PPP3R1: variants seen among roughly 807,000 people sequenced by gnomAD.
PPP3R1 encodes the protein protein phosphatase 3 regulatory subunit B, alpha.
Under a neutral mutation model 22.6 loss-of-function variants are expected in PPP3R1, and 5 were observed. The observed-to-expected ratio is 0.22, with a 90% CI of 0.12 to 0.46. The LOEUF is 0.46. Ranked by LOEUF, PPP3R1 falls within the 20% of genes least tolerant of loss-of-function variation. The pLI is 0.99. For synonymous variants in PPP3R1, 56 were observed against 65.2 expected (o/e 0.86, Z 0.68); for missense variants, 61 against 203.2 (o/e 0.30, Z 4.25).
chr2:68,202,536 T>A (rs533974630), intron 2 of PPP3R1, among the ~76,000 whole-genome samples: 1 of 152,024 alleles, frequency 6.6e-6, no homozygotes. Context: ...GTGATTCTCC[T>A]GTCTCAGCCT....
In PPP3R1 at chr2:68,252,331, G is replaced by A. The variant is rs2103826149; in HGVS notation, c.-204C>T. On this transcript the variant is annotated 5_prime_UTR_variant, in exon 1 of 6. Coordinates refer to ENST00000234310, the MANE Select transcript of PPP3R1 (RefSeq NM_000945.4). ...GCACGCGAGGGAGCGGGCAGGGTAG[G>A]GGGAAATAAATTAAGGTCGAGATTC... The A allele has an allele frequency of 9.8e-7, 1 of 1,016,888 alleles. No individual in the cohort carries two copies. Among genetic ancestry groups the A allele is most frequent in the Non-Finnish European group, 1.2e-6 (1 of 851,710 alleles). 63.0% of individuals were successfully genotyped at this position (1,016,888 alleles called of 1,614,324 possible). A position where few individuals can be genotyped will look rare whatever the true frequency, so the allele number is the denominator to read the frequency against.
intron 2 of PPP3R1, among the ~76,000 whole-genome samples, chr2:68,192,082 G>A (rs897796087): frequency 3.3e-5 from 5 of 152,098 alleles, no homozygotes; most frequent in Non-Finnish European, 5.9e-5. Flanking sequence ...AAAACTTATT[G>A]ATTAAAATTC....
At chr2:68,229,965 T>TATACACACACACAC (rs1553408545) in intron 1 of PPP3R1, among the ~76,000 whole-genome samples, 1 of 49,494 alleles carries the variant, frequency 2.0e-5, no homozygotes, top group South Asian at 9.3e-4. Context: ...TGTGTATATA[T>TATACACACACACAC]ACACACATAC....
At chr2:68,186,226 G>T (rs1159874976) in intron 5 of PPP3R1, among the ~76,000 whole-genome samples, 1 of 152,152 alleles carries the variant, frequency 6.6e-6, no homozygotes, top group East Asian at 1.9e-4. Flanking sequence ...GTGATTAAAT[G>T]AACCTTAAGA....
chr2:68,184,484 A>G (rs535868570), intron 5 of PPP3R1, among the ~76,000 whole-genome samples: 35 of 152,248 alleles, frequency 2.3e-4, no homozygotes, highest in African/African-American at 8.2e-4. Flanking sequence ...GAGTTTGGGG[A>G]GGAGGTAAAA....
In PPP3R1 at chr2:68,189,865, T is replaced by A. The variant is rs1025328335; in HGVS notation, c.44-1175A>T. On this transcript the variant is annotated intron_variant, in intron 2 of 5. Coordinates refer to ENST00000234310, the MANE Select transcript of PPP3R1 (RefSeq NM_000945.4). ...GCCTGAGTGACAGAGTGAGACTCCA[T>A]CTCAAAAAATTAAAAATAAAAATAA... Among the ~76,000 whole-genome samples the A allele has an allele frequency of 9.9e-5, 15 of 152,034 alleles. No individual in the cohort carries two copies. In the East Asian group the frequency reaches 2.9e-3, roughly 29 times the overall value.
At chr2:68,225,690 A>G (rs1025530586) in intron 1 of PPP3R1, among the ~76,000 whole-genome samples, 1 of 152,222 alleles carries the variant, frequency 6.6e-6, no homozygotes, top group Non-Finnish European at 1.5e-5. Context: ...TAATATCCAA[A>G]CTTATAGTGT....
chr2:68,207,774 G>A (rs995562276), intron 2 of PPP3R1, among the ~76,000 whole-genome samples: 2 of 152,192 alleles, frequency 1.3e-5, no homozygotes, highest in African/African-American at 4.8e-5. Context: ...CTATCAAGTG[G>A]AGGAATAATT....
At chr2:68,195,887 C>T in intron 2 of PPP3R1, among the ~76,000 whole-genome samples, 1 of 141,682 alleles carries the variant, frequency 7.1e-6, no homozygotes, top group African/African-American at 2.6e-5. Context: ...TTCCAACAAC[C>T]TTTTTTTTTT....
At chr2:68,188,395 T>C (rs1003174841) in intron 3 of PPP3R1, 119 bp downstream of exon 3, 1 of 754,800 alleles carries the variant, frequency 1.3e-6, no homozygotes, top group Admixed American at 3.5e-5. Context: ...GGTTTTAACA[T>C]AATCTATTAT....
chr2:68,193,937 C>G (rs1270475849), intron 2 of PPP3R1, among the ~76,000 whole-genome samples: 1 of 152,022 alleles, frequency 6.6e-6, no homozygotes, highest in African/African-American at 2.4e-5. Flanking sequence ...ATCATATTCC[C>G]TTAAAAGAGA....
Position 68,252,316 on chromosome 2 carries a change from G to A in PPP3R1, c.-189C>T, listed in dbSNP as rs1035077945. 4.9e-6 allele frequency: 5 copies of A among 1,022,520 alleles called. No homozygotes were observed. The highest frequency in any genetic ancestry group is 5.7e-5 in the Admixed American group (1 of 17,444). The allele number at this position is 1,022,520 out of a possible 1,614,324, so 63.3% of individuals were successfully genotyped here. ...CGGCCGGGCGATTGGGCACGCGAGGGAGCGGGCAGGGTAGGGGGAAATAAA... is the reference window on the plus strand; with the variant it reads ...CGGCCGGGCGATTGGGCACGCGAGGAAGCGGGCAGGGTAGGGGGAAATAAA... On this transcript the variant is annotated 5_prime_UTR_variant, in exon 1 of 6. Transcript: ENST00000234310.
At position 68,227,160 on chromosome 2, in the gene PPP3R1, T is replaced by C. The variant is rs1669798473; in HGVS notation, c.4-10029A>G. 3.9e-5 allele frequency among the ~76,000 whole-genome samples: 6 copies of C among 152,212 alleles called. No homozygotes were observed. In the South Asian group the frequency reaches 1.2e-3, roughly 32 times the overall value. The stretch of plus-strand genomic sequence containing the variant: ...CTTGTCACTTTAAGATCAAAGTAAC[T>C]CTAAACCAAAGAGAACCAAGTTTTT... On this transcript the variant is annotated intron_variant, in intron 1 of 5. Transcript: ENST00000234310.
At position 68,182,035 on chromosome 2, in the gene PPP3R1, C is replaced by T. The variant is rs568635299; in HGVS notation, c.466-1025G>A. Among the ~76,000 whole-genome samples, 16 of 151,516 alleles carry T rather than the reference C, an allele frequency of 1.1e-4. No homozygotes were observed. In the South Asian group the frequency reaches 2.9e-3, roughly 28 times the overall value. On this transcript the variant is annotated intron_variant, in intron 5 of 5. Transcript: ENST00000234310. Reference sequence around the variant, plus strand: ...AAGTAAACACCCAATAACCAGCACCCAGATCTTCCAGTCACCAGACATCTC... The same window carrying T: ...AAGTAAACACCCAATAACCAGCACCTAGATCTTCCAGTCACCAGACATCTC...
intron 1 of PPP3R1, among the ~76,000 whole-genome samples, chr2:68,251,643 C>T (rs1448642591): frequency 8.4e-6 from 1 of 118,792 alleles, no homozygotes; most frequent in African/African-American, 3.2e-5. Flanking sequence ...AGCAGCAGCT[C>T]TGGAGAGTAA....
chr2:68,238,675 C>G (rs1441526887), intron 1 of PPP3R1, among the ~76,000 whole-genome samples: 1 of 151,580 alleles, frequency 6.6e-6, no homozygotes, highest in African/African-American at 2.4e-5. Flanking sequence ...AAACCACAGG[C>G]AAAAAGAAAA....
intron 1 of PPP3R1, among the ~76,000 whole-genome samples, chr2:68,240,902 G>T (rs1489516130): frequency 6.6e-6 from 1 of 152,166 alleles, no homozygotes; most frequent in African/African-American, 2.4e-5. Context: ...TCAAAGGCTG[G>T]AAACAGACTA....
chr2:68,252,485 T>C lies in PPP3R1; in HGVS notation c.-358A>G. On this transcript the variant is annotated 5_prime_UTR_variant, in exon 1 of 6. Transcript: ENST00000234310. Reference sequence around the variant, plus strand: ...CAGCCTCGCGCTCGCGCCGGAGCCGTGACGGACTCACTGCAGCGGCTCGCG... The same window carrying C: ...CAGCCTCGCGCTCGCGCCGGAGCCGCGACGGACTCACTGCAGCGGCTCGCG... 1.0e-6 allele frequency: 1 copy of C among 977,442 alleles called. No individual in the cohort carries two copies. 60.5% of individuals were successfully genotyped at this position (977,442 alleles called of 1,614,324 possible).
intron 2 of PPP3R1, among the ~76,000 whole-genome samples, chr2:68,214,086 A>G (rs969447114): frequency 2.6e-5 from 4 of 152,230 alleles, no homozygotes; most frequent in African/African-American, 9.6e-5. Context: ...ATAACTAACT[A>G]TATGCAGAAG....
Sources: gnomAD v4.1 joint callset for allele counts (sites outside exome capture counted in the v4.1 genomes callset) on GRCh38, gnomAD v4.1.1 for gene constraint, MANE v1.5 for transcripts, NCBI Gene and HGNC (gene_info 2026-07-23, HGNC 2026-07-21) for gene names.